CCSER1: variants seen among roughly 807,000 people sequenced by gnomAD.
CCSER1 encodes the protein coiled-coil serine rich protein 1.
In CCSER1, 41 loss-of-function variants were observed where a neutral mutation model predicts 82.0. The ratio of observed to expected loss-of-function variants is 0.50; its 90% CI spans 0.39 to 0.65. The LOEUF (loss-of-function observed/expected upper bound fraction) is 0.65. Ranked by LOEUF, CCSER1 falls within the 30% of genes least tolerant of loss-of-function variation. The pLI is 0.00. For synonymous variants in CCSER1, 414 were observed against 383.9 expected, an observed-to-expected ratio of 1.08 and a Z score of -0.92; for missense variants, 1,119 against 1,064.2, an observed-to-expected ratio of 1.05 and a Z score of -0.72.
chr4:91,332,005 A>G (rs114064938), intron 10 of CCSER1, among the ~76,000 whole-genome samples: 2,090 of 152,268 alleles, frequency 0.014, 43 homozygotes, highest in African/African-American at 0.047. Flanking sequence ...TTTGATGTCA[A>G]TATAAATGAA....
intron 3 of CCSER1, among the ~76,000 whole-genome samples, chr4:90,320,187 A>G (rs1736886310): frequency 6.6e-6 from 1 of 152,230 alleles, no homozygotes; most frequent in African/African-American, 2.4e-5. Context: ...TCATTAATAT[A>G]GCACCTGGTG....
intron 1 of CCSER1, among the ~76,000 whole-genome samples, chr4:90,142,273 G>A (rs1316689893): frequency 6.6e-6 from 1 of 152,162 alleles, no homozygotes; most frequent in Non-Finnish European, 1.5e-5. Flanking sequence ...TTTTGTTTAT[G>A]CAAATCTCAG....
chr4:91,261,100 G>T (rs1741096189), intron 10 of CCSER1, among the ~76,000 whole-genome samples: 1 of 152,188 alleles, frequency 6.6e-6, no homozygotes, highest in Admixed American at 6.5e-5. Flanking sequence ...TGCCTTGGCT[G>T]CACCTTATAC....
chr4:90,235,950 AT>A lies in CCSER1; in HGVS notation c.-41-72285del, dbSNP rs1033346101. On this transcript the variant is annotated intron_variant, in intron 1 of 10. Coordinates refer to ENST00000509176, the MANE Select transcript of CCSER1 (RefSeq NM_001145065.2). ...TTACTAAAAACATGCAAAATAAGTA[AT>A]TTTTTTTTGAGAGAGTGTCTCATTG... Among the ~76,000 whole-genome samples the A allele has an allele frequency of 1.3e-4, 20 of 151,492 alleles. 1 individual carries two copies. The East Asian group carries it at 1.9e-3, about 15-fold the overall frequency.
intron 1 of CCSER1, among the ~76,000 whole-genome samples, chr4:90,203,383 T>C (rs1738138073): frequency 6.6e-6 from 1 of 152,116 alleles, no homozygotes; most frequent in Admixed American, 6.6e-5. Context: ...TGTGTGATGT[T>C]CCCCTCCCTG....
chr4:91,036,297 A>G (rs976267057), intron 9 of CCSER1, among the ~76,000 whole-genome samples: 2 of 152,194 alleles, frequency 1.3e-5, no homozygotes, highest in Non-Finnish European at 1.5e-5. Context: ...TGTAAGTAAG[A>G]TTGTTTCAAA....
chr4:90,417,616 T>C (rs1166684754), intron 4 of CCSER1, among the ~76,000 whole-genome samples: 5 of 152,162 alleles, frequency 3.3e-5, no homozygotes, highest in Non-Finnish European at 7.4e-5. Context: ...CAGTGTCTCT[T>C]GGTATATATC....
intron 1 of CCSER1, among the ~76,000 whole-genome samples, chr4:90,252,313 G>A (rs1722541464): frequency 6.6e-6 from 1 of 151,890 alleles, no homozygotes; most frequent in South Asian, 2.1e-4. Flanking sequence ...ATATGTTTAT[G>A]GATAGTTATA....
chr4:90,184,352 A>G (rs1734230500), intron 1 of CCSER1, among the ~76,000 whole-genome samples: 1 of 152,144 alleles, frequency 6.6e-6, no homozygotes, highest in Non-Finnish European at 1.5e-5. Flanking sequence ...ACCAAAGAGT[A>G]AGTTTCTAAG....
Position 90,815,621 on chromosome 4 carries a change from T to C in CCSER1, c.2011-141T>C, listed in dbSNP as rs180872244. On this transcript the variant is annotated intron_variant, in intron 7 of 10. Transcript: ENST00000509176. Reference sequence around the variant, plus strand: ...ATTTTTTGCAACTAAGAATATATTATGAAAAATATCATACTATAGAGGGAA... The same window carrying C: ...ATTTTTTGCAACTAAGAATATATTACGAAAAATATCATACTATAGAGGGAA... The C allele has an allele frequency of 9.3e-5, 52 of 560,522 alleles. No individual in the cohort carries two copies. In the East Asian group the frequency reaches 1.5e-3, roughly 16 times the overall value. 34.7% of individuals were successfully genotyped at this position (560,522 alleles called of 1,614,324 possible). A position where few individuals can be genotyped will look rare whatever the true frequency, so the allele number is the denominator to read the frequency against.
intron 10 of CCSER1, among the ~76,000 whole-genome samples, chr4:91,114,350 T>C (rs144687837): frequency 6.6e-6 from 1 of 152,104 alleles, no homozygotes; most frequent in Non-Finnish European, 1.5e-5. Context: ...ATTATGTTGA[T>C]AATGTGACTT....
At position 90,468,339 on chromosome 4, in the gene CCSER1, C is replaced by A; in HGVS notation, c.1709C>A (p.Pro570His). The change falls in exon 5 of 11, where the codon CCT becomes CAT. Residue 570 changes from proline to histidine, a missense_variant. Transcript: ENST00000509176. ...EMKKREEPEF[P>H]EPSKQNLSLK... ...AAGAAAAGAGAAGAACCAGAATTTC[C>A]TGAGCCTTCCAAACAGTGAGTTGTT... The A allele has an allele frequency of 6.2e-7, 1 of 1,604,170 alleles. No individual in the cohort carries two copies. Among genetic ancestry groups the A allele is most frequent in the Non-Finnish European group, 8.5e-7 (1 of 1,174,056 alleles).
At chr4:91,202,136 G>A (rs1581761834) in intron 10 of CCSER1, among the ~76,000 whole-genome samples, 1 of 149,198 alleles carries the variant, frequency 6.7e-6, no homozygotes, top group Non-Finnish European at 1.5e-5. Context: ...CATTAATTAG[G>A]TTATTTGTTT....
chr4:90,152,691 AAAGGG>A (rs1478261030), intron 1 of CCSER1, among the ~76,000 whole-genome samples: 2 of 152,110 alleles, frequency 1.3e-5, no homozygotes, highest in East Asian at 3.9e-4. Context: ...GAGAGTGCCC[AAAGGG>A]AAGTTATTGG....
At chr4:91,090,004 G>A (rs1246959819) in intron 10 of CCSER1, among the ~76,000 whole-genome samples, 1 of 152,190 alleles carries the variant, frequency 6.6e-6, no homozygotes, top group Non-Finnish European at 1.5e-5. Flanking sequence ...AGACTTGACA[G>A]GTTTTATTAG....
At chr4:91,594,601 G>A (rs1270944585) in intron 10 of CCSER1, among the ~76,000 whole-genome samples, 2 of 151,552 alleles carry the variant, frequency 1.3e-5, no homozygotes, top group Non-Finnish European at 2.9e-5. Context: ...TGTTTCCTAT[G>A]TACTTCTAAA....
chr4:91,423,747 G>A (rs913387713), intron 10 of CCSER1, among the ~76,000 whole-genome samples: 1 of 151,954 alleles, frequency 6.6e-6, no homozygotes, highest in African/African-American at 2.4e-5. Context: ...AAAAATACTG[G>A]TCATCTCCTT....
At chr4:90,345,101 G>C (rs566295829) in intron 3 of CCSER1, among the ~76,000 whole-genome samples, 1 of 152,134 alleles carries the variant, frequency 6.6e-6, no homozygotes, top group African/African-American at 2.4e-5. Context: ...CTGTTTTATT[G>C]TCAAAACTAA....
intron 3 of CCSER1, among the ~76,000 whole-genome samples, chr4:90,375,692 T>G (rs1748187937): frequency 6.6e-6 from 1 of 152,202 alleles, no homozygotes; most frequent in Admixed American, 6.5e-5. Flanking sequence ...CAGCTGGAAT[T>G]GCCCCAGATT....
Sources: gnomAD v4.1 joint callset for allele counts (sites outside exome capture counted in the v4.1 genomes callset) on GRCh38, gnomAD v4.1.1 for gene constraint, MANE v1.5 for transcripts, NCBI Gene and HGNC (gene_info 2026-07-23, HGNC 2026-07-21) for gene names.